SLC24A4: variants seen among roughly 807,000 people sequenced by gnomAD.
SLC24A4 encodes the protein solute carrier family 24 member 4, also known as sodium/potassium/calcium exchanger 4.
SLC24A4 carries 53 observed loss-of-function variants against 79.0 expected under a neutral mutation model. The observed-to-expected ratio is 0.67, with a 90% CI of 0.54 to 0.84. The LOEUF is 0.84. SLC24A4 is among the 40% of genes least tolerant of loss of function. The probability of loss-of-function intolerance (pLI) is 0.00; values close to 1 mark genes in which losing one functional copy is unlikely to be tolerated. For missense variants in SLC24A4, 731 were observed against 822.0 expected (o/e 0.89, Z 1.35); for synonymous variants, 323 against 323.8 (o/e 1.00, Z 0.03).
At chr14:92,368,174 A>G (rs574864308) in intron 2 of SLC24A4, among the ~76,000 whole-genome samples, 2 of 152,270 alleles carry the variant, frequency 1.3e-5, no homozygotes, top group East Asian at 3.9e-4. Flanking sequence ...AACCTTTGGG[A>G]TTATCTTTTA....
intron 2 of SLC24A4, among the ~76,000 whole-genome samples, chr14:92,406,574 G>A (rs980673336): frequency 3.9e-5 from 6 of 152,160 alleles, no homozygotes; most frequent in Non-Finnish European, 8.8e-5. Context: ...CTCAACTCTT[G>A]TCTTCTGCAC....
At chr14:92,460,301 C>T (rs1186516149) in intron 12 of SLC24A4, among the ~76,000 whole-genome samples, 7 of 152,182 alleles carry the variant, frequency 4.6e-5, no homozygotes, top group Non-Finnish European at 1.0e-4. Flanking sequence ...CGGCACCTAC[C>T]TCCCAGGATT....
At chr14:92,475,087 T>G (rs2139903551) in intron 12 of SLC24A4, among the ~76,000 whole-genome samples, 1 of 151,756 alleles carries the variant, frequency 6.6e-6, no homozygotes, top group East Asian at 1.9e-4. Context: ...TGACAAATAG[T>G]ATCATGTTCC....
chr14:92,344,392 A>G (rs767300543), intron 2 of SLC24A4, among the ~76,000 whole-genome samples: 2 of 152,254 alleles, frequency 1.3e-5, no homozygotes, highest in Non-Finnish European at 2.9e-5. Context: ...TTGTTATGCA[A>G]CATAACCTAG....
rs565579157 is a variant in SLC24A4, at chr14:92,342,894, A to G, written c.241+16916A>G. ...CTTGAACTGGGTGTAAAAATCTGTC[A>G]TAAAGAGTGGGCCATGAACAAGGGT... is the stretch of plus-strand genomic sequence containing the variant. On this transcript the variant is annotated intron_variant, in intron 2 of 16. Coordinates refer to ENST00000532405, the MANE Select transcript of SLC24A4 (RefSeq NM_153646.4). Among the ~76,000 whole-genome samples the G allele has an allele frequency of 2.2e-4, 34 of 152,318 alleles. 1 individual carries two copies. The South Asian group carries it at 7.0e-3, about 32-fold the overall frequency.
At chr14:92,379,834 C>T (rs905516063) in intron 2 of SLC24A4, among the ~76,000 whole-genome samples, 1 of 152,168 alleles carries the variant, frequency 6.6e-6, no homozygotes, top group African/African-American at 2.4e-5. Flanking sequence ...GCCCCGCCAG[C>T]ACACCCATAC....
At chr14:92,390,386 C>G (rs1016180490) in intron 2 of SLC24A4, among the ~76,000 whole-genome samples, 1 of 152,102 alleles carries the variant, frequency 6.6e-6, no homozygotes, top group Non-Finnish European at 1.5e-5. Flanking sequence ...AGCCTGTCAG[C>G]CCTTGTTATA....
chr14:92,411,207 A>G (rs988702537), intron 2 of SLC24A4, among the ~76,000 whole-genome samples: 5 of 152,146 alleles, frequency 3.3e-5, no homozygotes, highest in Non-Finnish European at 7.4e-5. Context: ...CAAGCCGCCC[A>G]TTAATCAGCA....
At chr14:92,431,838 C>T (rs142768421) in intron 2 of SLC24A4, among the ~76,000 whole-genome samples, 8 of 152,308 alleles carry the variant, frequency 5.3e-5, no homozygotes, top group South Asian at 2.1e-4. Context: ...CATGCGTAGT[C>T]GAGCTAGGAC....
chr14:92,383,231 G>A (rs1888955044), intron 2 of SLC24A4, among the ~76,000 whole-genome samples: 5 of 152,186 alleles, frequency 3.3e-5, no homozygotes. Flanking sequence ...AGCCACAGCT[G>A]GAAGTAAGAT....
At chr14:92,411,570 T>G (rs987569707) in intron 2 of SLC24A4, among the ~76,000 whole-genome samples, 1 of 152,142 alleles carries the variant, frequency 6.6e-6, no homozygotes, top group Non-Finnish European at 1.5e-5. Context: ...GTCTTGGTTG[T>G]TTGTATGAGA....
At chr14:92,338,574 G>A (rs1467926218) in intron 2 of SLC24A4, among the ~76,000 whole-genome samples, 2 of 152,190 alleles carry the variant, frequency 1.3e-5, no homozygotes, top group Non-Finnish European at 2.9e-5. Flanking sequence ...GTATGACCCC[G>A]CTGTTGGTTT....
At chr14:92,438,487 G>A (rs1892303631) in intron 3 of SLC24A4, among the ~76,000 whole-genome samples, 2 of 152,004 alleles carry the variant, frequency 1.3e-5, no homozygotes, top group African/African-American at 4.8e-5. Context: ...GGGTGTGGTG[G>A]TGTGCACCTG....
rs144573041 is a variant in SLC24A4, at chr14:92,453,657, G to A, written c.881-243G>A. 1.0e-3 allele frequency: 439 copies of A among 440,612 alleles called. 10 individuals are homozygous for A. In the South Asian group the frequency reaches 0.018, roughly 18 times the overall value. The allele number at this position is 440,612 out of a possible 1,614,324, so 27.3% of individuals were successfully genotyped here. On this transcript the variant is annotated intron_variant, in intron 10 of 16. Transcript: ENST00000532405. ...GGCGAAAAGAGCATCAATTGCCCACGAGTGGTCCTGGAGCAAGGGGACACA... is the reference window on the plus strand; with the variant it reads ...GGCGAAAAGAGCATCAATTGCCCACAAGTGGTCCTGGAGCAAGGGGACACA...
At chr14:92,404,525 T>C (rs963991086) in intron 2 of SLC24A4, among the ~76,000 whole-genome samples, 1 of 152,196 alleles carries the variant, frequency 6.6e-6, no homozygotes, top group Non-Finnish European at 1.5e-5. Context: ...CTCTTCCTTT[T>C]CTCCAACACA....
At chr14:92,323,164 C>G (rs1383277236), upstream of SLC24A4, 1 of 152,078 alleles carries the variant, frequency 6.6e-6, no homozygotes, top group African/African-American at 2.4e-5. This position sits in a 1 kb window ranked among gnomAD's most constrained non-coding sequence, Gnocchi z 4.9. Flanking sequence ...CACGGCCTCT[C>G]AGACGCTGGC....
chr14:92,449,841 G>T (rs1893035980), intron 10 of SLC24A4, among the ~76,000 whole-genome samples: 3 of 152,240 alleles, frequency 2.0e-5, no homozygotes, highest in African/African-American at 7.2e-5. Context: ...TGGCCCCCTT[G>T]TCCGGGAACT....
chr14:92,374,106 A>G (rs561730120), intron 2 of SLC24A4, among the ~76,000 whole-genome samples: 3 of 152,260 alleles, frequency 2.0e-5, no homozygotes, highest in Admixed American at 2.0e-4. Context: ...AATGCAGAGA[A>G]CCCCAGAAAG....
chr14:92,484,151 C>CT, intron 13 of SLC24A4: 1 of 985,358 alleles, frequency 1.0e-6, no homozygotes, highest in Non-Finnish European at 1.2e-6. Context: ...TGTCTCTTCC[C>CT]TCCCCCCAAC....
Sources: gnomAD v4.1 joint callset for allele counts (sites outside exome capture counted in the v4.1 genomes callset) on GRCh38, gnomAD v4.1.1 for gene constraint, Gnocchi (gnomAD v3.1) non-coding constraint, MANE v1.5 for transcripts, NCBI Gene and HGNC (gene_info 2026-07-23, HGNC 2026-07-21) for gene names.